The following IPCEF1 variants were observed in gnomAD, a reference collection of about 807,000 sequenced individuals.
The protein encoded by IPCEF1 is interaction protein for cytohesin exchange factors 1.
A neutral mutation model predicts 50.9 loss-of-function variants in IPCEF1; 31 were observed. The ratio of observed to expected loss-of-function variants is 0.61; its 90% CI spans 0.46 to 0.82. The LOEUF is 0.82. IPCEF1 is among the 40% of genes least tolerant of loss of function. The pLI, the probability that IPCEF1 is intolerant of heterozygous loss-of-function variation, is 0.00. For missense variants in IPCEF1, 458 were observed against 514.0 expected (o/e 0.89, Z 1.05); for synonymous variants, 181 against 192.0 (o/e 0.94, Z 0.47).
At chr6:154,328,567 C>T (rs1051160842) in intron 1 of IPCEF1, among the ~76,000 whole-genome samples, 1 of 151,352 alleles carries the variant, frequency 6.6e-6, no homozygotes, top group Non-Finnish European at 1.5e-5. Flanking sequence ...TAGCAAGACC[C>T]CAAATCTATT....
chr6:154,214,049 T>C (rs1016328910), intron 8 of IPCEF1, among the ~76,000 whole-genome samples, 169 bp downstream of exon 8: 1 of 152,162 alleles, frequency 6.6e-6, no homozygotes, highest in African/African-American at 2.4e-5. Flanking sequence ...TCCATGTTGG[T>C]GAGTCTGTGT....
Position 154,160,011 on chromosome 6 carries a change from G to T in IPCEF1, c.1134C>A (p.Asn378Lys). The T allele has an allele frequency of 6.2e-7, 1 of 1,612,182 alleles. No homozygotes were observed. The highest frequency in any genetic ancestry group is 8.5e-7 in the Non-Finnish European group (1 of 1,179,878). Residue 378 changes from asparagine (N) to lysine (K), a missense_variant, in exon 12 of 12, where the codon AAC becomes AAA. Coordinates refer to ENST00000367220, the MANE Select transcript of IPCEF1 (RefSeq NM_001130700.2). ...KCKEHDLAMI[N>K]QLLDDPKLTA... ...TCAGCTTCGGGTCATCCAGCAACTG[G>T]TTAATCATGGCCAGATCATGTTCTT...
At chr6:154,197,020 A>G (rs1405146047) in intron 10 of IPCEF1, among the ~76,000 whole-genome samples, 4 of 152,322 alleles carry the variant, frequency 2.6e-5, no homozygotes, top group Non-Finnish European at 4.4e-5. Flanking sequence ...GGACTCAGTT[A>G]TTAATCTTTA....
At chr6:154,286,982 C>G (rs996523774) in intron 2 of IPCEF1, among the ~76,000 whole-genome samples, 15 of 152,156 alleles carry the variant, frequency 9.9e-5, no homozygotes, top group African/African-American at 3.6e-4. Context: ...CCCTTGTTCT[C>G]ATGACAGTGA....
chr6:154,176,823 T>A (rs1463332739), intron 10 of IPCEF1, among the ~76,000 whole-genome samples: 1 of 151,260 alleles, frequency 6.6e-6, no homozygotes, highest in East Asian at 1.9e-4. Context: ...AAATTTCATA[T>A]GAAACCAAGA....
At chr6:154,332,543 A>G (rs1783697398) in intron 1 of IPCEF1, among the ~76,000 whole-genome samples, 1 of 152,236 alleles carries the variant, frequency 6.6e-6, no homozygotes, top group South Asian at 2.1e-4. Context: ...AAAACTTTCA[A>G]TTAAAAAATC....
chr6:154,242,148 C>T (rs997760259), intron 5 of IPCEF1, among the ~76,000 whole-genome samples: 2 of 152,142 alleles, frequency 1.3e-5, no homozygotes, highest in African/African-American at 4.8e-5. Context: ...TATTTTCATT[C>T]CTTTGTTCCC....
intron 1 of IPCEF1, among the ~76,000 whole-genome samples, chr6:154,292,715 T>C (rs1782544550): frequency 6.6e-6 from 1 of 152,228 alleles, no homozygotes. Flanking sequence ...GGTATCATGA[T>C]TTATCTAAAC....
chr6:154,227,052 G>T (rs1779307152), intron 5 of IPCEF1, among the ~76,000 whole-genome samples: 1 of 152,090 alleles, frequency 6.6e-6, no homozygotes, highest in South Asian at 2.1e-4. Flanking sequence ...ACAAAAATTA[G>T]CCAGGTGTGG....
intron 1 of IPCEF1, among the ~76,000 whole-genome samples, chr6:154,341,607 A>T (rs1049753929): frequency 2.0e-5 from 3 of 152,124 alleles, no homozygotes; most frequent in African/African-American, 7.2e-5. Flanking sequence ...AGAGTGTGTG[A>T]ATTTCCCAAG....
chr6:154,318,712 C>CAAAAAAA (rs57436031), intron 1 of IPCEF1, among the ~76,000 whole-genome samples: 5 of 98,826 alleles, frequency 5.1e-5, no homozygotes, highest in African/African-American at 1.5e-4. Flanking sequence ...GACCCTGTCT[C>CAAAAAAA]AAAAAAAAAA....
intron 9 of IPCEF1, among the ~76,000 whole-genome samples, chr6:154,201,589 T>G (rs1399448053): frequency 6.6e-6 from 1 of 152,156 alleles, no homozygotes; most frequent in Non-Finnish European, 1.5e-5. Context: ...CCTGTCAACA[T>G]CAAGCATTCA....
intron 2 of IPCEF1, among the ~76,000 whole-genome samples, chr6:154,268,810 A>T (rs7765863): frequency 6.0e-5 from 9 of 150,692 alleles, no homozygotes; most frequent in African/African-American, 2.2e-4. Flanking sequence ...GCCTTGGTGC[A>T]TGCTTTTTCT....
At chr6:154,293,311 G>GC (rs1328538647) in intron 1 of IPCEF1, among the ~76,000 whole-genome samples, 1 of 152,156 alleles carries the variant, frequency 6.6e-6, no homozygotes, top group East Asian at 1.9e-4. Context: ...CCAGGTCAGC[G>GC]CAACTGCAGA....
At chr6:154,334,975 A>C (rs1458468159) in intron 1 of IPCEF1, among the ~76,000 whole-genome samples, 1 of 152,132 alleles carries the variant, frequency 6.6e-6, no homozygotes, top group African/African-American at 2.4e-5. Context: ...ATCCAGACCC[A>C]CCAAGAATAA....
At chr6:154,326,361 T>G (rs1011167574) in intron 1 of IPCEF1, among the ~76,000 whole-genome samples, 1 of 152,178 alleles carries the variant, frequency 6.6e-6, no homozygotes, top group Admixed American at 6.6e-5. Context: ...GATAAGCAAC[T>G]TCAGCAAAGT....
At chr6:154,274,742 G>C (rs1782011955) in intron 2 of IPCEF1, among the ~76,000 whole-genome samples, 1 of 152,132 alleles carries the variant, frequency 6.6e-6, no homozygotes, top group African/African-American at 2.4e-5. Context: ...CCAGCCGTGG[G>C]CCACACCCTG....
chr6:154,280,513 A>G (rs960066486), intron 2 of IPCEF1, among the ~76,000 whole-genome samples: 1 of 152,272 alleles, frequency 6.6e-6, no homozygotes, highest in African/African-American at 2.4e-5. Context: ...AATCAAAAAG[A>G]AAAAGACTAC....
At chr6:154,288,802 G>A (rs138925311) in intron 2 of IPCEF1, among the ~76,000 whole-genome samples, 1,941 of 149,942 alleles carry the variant, frequency 0.013, 47 homozygotes, top group African/African-American at 0.043. Context: ...AATGGCTCAC[G>A]CCTATAATCC....
Sources: allele counts gnomAD v4.1 joint callset (sites outside exome capture counted in the v4.1 genomes callset), GRCh38; gene constraint gnomAD v4.1.1; transcripts MANE v1.5; gene names NCBI Gene and HGNC (gene_info 2026-07-23, HGNC 2026-07-21).